CROCC: variants seen among roughly 807,000 people sequenced by gnomAD.
CROCC encodes the protein ciliary rootlet coiled-coil, rootletin.
A neutral mutation model predicts 245.2 loss-of-function variants in CROCC; 180 were observed. The observed-to-expected ratio is 0.73, with a 90% CI of 0.65 to 0.83. The LOEUF (loss-of-function observed/expected upper bound fraction) is 0.83. Ranked by LOEUF, CROCC falls within the 40% of genes least tolerant of loss-of-function variation. The probability of loss-of-function intolerance (pLI) is 0.00; values close to 1 mark genes in which losing one functional copy is unlikely to be tolerated. For synonymous variants in CROCC, 1,205 were observed against 1,241.6 expected, an observed-to-expected ratio of 0.97 and a Z score of 0.62; for missense variants, 2,688 against 2,779.4, an observed-to-expected ratio of 0.97 and a Z score of 0.74.
Position 16,954,196 on chromosome 1 carries a change from A to G in CROCC, c.3187-27A>G, listed in dbSNP as rs1482958482. On this transcript the variant is annotated intron_variant, in intron 21 of 36. Coordinates refer to ENST00000375541, the MANE Select transcript of CROCC (RefSeq NM_014675.5). The surrounding 1 kb of genome is among the most constrained non-coding windows in gnomAD (Gnocchi z 4.4). ...GCCCCCAGGACCAGCCCATCCCCCAAGCCCTTTGTCCCCTGCCTCTGCCCA... is the reference window on the plus strand; with the variant it reads ...GCCCCCAGGACCAGCCCATCCCCCAGGCCCTTTGTCCCCTGCCTCTGCCCA... 8.8e-6 allele frequency: 14 copies of G among 1,597,988 alleles called. No individual in the cohort carries two copies. The highest frequency in any genetic ancestry group is 1.1e-5 in the Non-Finnish European group (13 of 1,170,108).
At chr1:16,951,481 CT>C (rs562322868) in intron 20 of CROCC, 81 of 166,378 alleles carry the variant, frequency 4.9e-4, no homozygotes, top group Non-Finnish European at 7.6e-4. Flanking sequence ...AGGGAAGTTA[CT>C]AGAACACTGA....
At chr1:16,923,647 G>A (rs187267135) in intron 2 of CROCC, among the ~76,000 whole-genome samples, 20 of 151,470 alleles carry the variant, frequency 1.3e-4, no homozygotes, top group African/African-American at 4.4e-4. Context: ...ATGCTTTTCT[G>A]GGAGGATCTG....
Position 16,969,877 on chromosome 1 carries a change from G to T in CROCC, c.5394G>T (p.Val1798=). The change falls in exon 33 of 37, where the codon GTG becomes GTT. Residue 1798 remains valine (V), a synonymous_variant. Coordinates refer to ENST00000375541, the MANE Select transcript of CROCC (RefSeq NM_014675.5). ...AGGTGCAGACGTTGCGAGGCGAGGT[G>T]GCTGACCTGGAACTGCAGCGGGTGG... ...GEQVQTLRGE[V]ADLELQRVEA... is the part of the protein sequence containing the mutation. The T allele has an allele frequency of 1.2e-6, 2 of 1,611,470 alleles. No individual in the cohort carries two copies. The highest frequency in any genetic ancestry group is 1.7e-6 in the Non-Finnish European group (2 of 1,178,772).
At chr1:16,915,763 C>G (rs1326059992) in intron 1 of CROCC, among the ~76,000 whole-genome samples, 1 of 152,236 alleles carries the variant, frequency 6.6e-6, no homozygotes, top group African/African-American at 2.4e-5. Context: ...ATTTTTGAGC[C>G]AAAATCTGGC....
intron 10 of CROCC, 149 bp from the exon 11 acceptor site, chr1:16,938,251 G>C (rs1275621321): frequency 2.9e-6 from 2 of 691,078 alleles, no homozygotes; most frequent in Non-Finnish European, 5.0e-6. Flanking sequence ...TGAGGGCCTC[G>C]GGCCTGCTGT....
Position 16,930,529 on chromosome 1 carries a change from A to C in CROCC, c.784A>C (p.Asn262His), listed in dbSNP as rs1373359693. The C allele has an allele frequency of 3.1e-6, 5 of 1,612,414 alleles. No individual in the cohort carries two copies. The highest frequency in any genetic ancestry group is 4.2e-6 in the Non-Finnish European group (5 of 1,179,836). Residue 262 changes from asparagine (N) to histidine (H), a missense_variant, in exon 7 of 37, where the codon AAT (asparagine) becomes CAT (histidine). Around this residue, in one of 9 missense-constraint regions of CROCC, gnomAD observed 972 missense variants for 895.3 expected, o/e 1.09. Coordinates refer to ENST00000375541, the MANE Select transcript of CROCC (RefSeq NM_014675.5). ...GAGTGAGGACATACGAAAGGTGACCAATGACTGGACACGCTGCCGCAAGGA... is the reference window on the plus strand; with the variant it reads ...GAGTGAGGACATACGAAAGGTGACCCATGACTGGACACGCTGCCGCAAGGA... ...ALSEDIRKVT[N>H]DWTRCRKELE...
intron 3 of CROCC, among the ~76,000 whole-genome samples, chr1:16,927,300 A>G (rs1176544180): frequency 1.3e-5 from 2 of 152,264 alleles, no homozygotes; most frequent in African/African-American, 4.8e-5. Flanking sequence ...TGCAGATGAC[A>G]CAGCACGCTA....
intron 17 of CROCC, 136 bp from the exon 18 acceptor site, chr1:16,948,191 ACATG>A: frequency 7.2e-7 from 1 of 1,397,734 alleles, no homozygotes; most frequent in Non-Finnish European, 9.3e-7. Context: ...TTGCCCAAGT[ACATG>A]TAGCACATCA....
intron 1 of CROCC, among the ~76,000 whole-genome samples, chr1:16,916,878 G>A: frequency 6.6e-6 from 1 of 152,298 alleles, no homozygotes; most frequent in Non-Finnish European, 1.5e-5. Context: ...AGCACTTTGA[G>A]AGGCCGAGGC....
At chr1:16,939,762 C>T (rs1334095961) in intron 12 of CROCC, 132 bp from the exon 13 acceptor site, 6 of 1,132,728 alleles carry the variant, frequency 5.3e-6, no homozygotes, top group African/African-American at 3.0e-5. Context: ...GGCCCCTATC[C>T]TGCCCCAGGC....
chr1:16,944,461 G>C (rs1216389236), intron 14 of CROCC, among the ~76,000 whole-genome samples, 179 bp downstream of exon 14: 17 of 152,410 alleles, frequency 1.1e-4, no homozygotes, highest in Admixed American at 5.2e-4. Flanking sequence ...GGGAGGTATA[G>C]TCACTTACCT....
intron 32 of CROCC, 49 bp downstream of exon 32, chr1:16,969,389 C>CAGT (rs964071473): frequency 6.5e-7 from 1 of 1,543,902 alleles, no homozygotes; most frequent in African/African-American, 1.4e-5. Context: ...GAGAGTCAGC[C>CAGT]AGTAAGAGCA....
chr1:16,968,491 TC>T, intron 31 of CROCC, 73 bp downstream of exon 31: 1 of 1,380,184 alleles, frequency 7.2e-7, no homozygotes. Flanking sequence ...CACTACGCAG[TC>T]CCCCAACAAC....
At chr1:16,952,251 G>A (rs186487371) in intron 20 of CROCC, among the ~76,000 whole-genome samples, 456 of 151,302 alleles carry the variant, frequency 3.0e-3, no homozygotes, top group Non-Finnish European at 4.9e-3. Flanking sequence ...TTGGGAGGCC[G>A]AGGTGGGCAG....
intron 5 of CROCC, 33 bp from the exon 6 acceptor site, chr1:16,930,253 C>T: frequency 2.5e-6 from 4 of 1,590,904 alleles, no homozygotes; most frequent in Non-Finnish European, 3.4e-6. Context: ...CTCCACCTGC[C>T]CAACCTGATG....
Position 16,969,332 on chromosome 1 carries a change from G to A in CROCC, c.5293G>A (p.Val1765Ile). ...GACCGCCTGTGAACATGACCGCCAA[G>A]TACTCCAGGTCTCGGGCCCAGGGTC... ...ALTACEHDRQ[V>I]LQERLDAARQ... Residue 1765 changes from valine (V) to isoleucine (I), a missense_variant, in exon 32 of 37, where the codon GTA (valine) becomes ATA (isoleucine). Physicochemically the swap from Val to Ile is conservative, Grantham distance 29. Transcript: ENST00000375541. 1 of 1,610,818 alleles carries A rather than the reference G, an allele frequency of 6.2e-7. No individual in the cohort carries two copies. The highest frequency in any genetic ancestry group is 8.5e-7 in the Non-Finnish European group (1 of 1,179,302).
At chr1:16,968,104 G>C in intron 30 of CROCC, 99 bp from the exon 31 acceptor site, 1 of 1,265,794 alleles carries the variant, frequency 7.9e-7, no homozygotes, top group Non-Finnish European at 1.1e-6. Context: ...GTCACCCTTC[G>C]AGGCTGCTCC....
chr1:16,921,341 C>T (rs1343694138), upstream of CROCC, among the ~76,000 whole-genome samples: 8 of 152,278 alleles, frequency 5.3e-5, no homozygotes, highest in Non-Finnish European at 8.8e-5. Flanking sequence ...ATTTGTAGTT[C>T]GAGGCTCTAC....
intron 27 of CROCC, among the ~76,000 whole-genome samples, chr1:16,962,609 C>T (rs1210524070): frequency 2.0e-5 from 3 of 148,426 alleles, no homozygotes; most frequent in Non-Finnish European, 4.5e-5. Context: ...CCTGACCTTA[C>T]GTGATCTGCC....
Sources: gnomAD v4.1 joint callset for allele counts (sites outside exome capture counted in the v4.1 genomes callset) on GRCh38, gnomAD v4.1.1 for gene constraint, gnomAD v4.1.1 regional missense constraint, Gnocchi (gnomAD v3.1) non-coding constraint, MANE v1.5 for transcripts, NCBI Gene and HGNC (gene_info 2026-07-23, HGNC 2026-07-21) for gene names.